The following GPHN variants were observed in gnomAD, a reference collection of about 807,000 sequenced individuals.
The protein encoded by GPHN is gephyrin.
Under a neutral mutation model 95.5 loss-of-function variants are expected in GPHN, and 17 were observed. The ratio of observed to expected loss-of-function variants is 0.18; its 90% CI spans 0.12 to 0.27. The LOEUF (loss-of-function observed/expected upper bound fraction) is 0.27. Ranked by LOEUF, GPHN falls within the 10% of genes least tolerant of loss-of-function variation. GPHN has a pLI of 1.00. For missense variants in GPHN, 660 were observed against 978.1 expected (o/e 0.67, Z 4.34); for synonymous variants, 320 against 322.5 (o/e 0.99, Z 0.08).
chr14:66,588,480 A>G (rs1342747600), intron 1 of GPHN, among the ~76,000 whole-genome samples: 2 of 152,144 alleles, frequency 1.3e-5, no homozygotes, highest in African/African-American at 2.4e-5. Context: ...GCAAGAAGCT[A>G]AGAACCTTGA....
At chr14:67,405,831 C>G in the GPHN span, among the ~76,000 whole-genome samples, 1,895 of 152,318 alleles carry the variant, frequency 0.012, 46 homozygotes, top group African/African-American at 0.041. Flanking sequence ...GAATTGGACC[C>G]TACAGCCAGT....
At chr14:67,354,345 T>C in the GPHN span, among the ~76,000 whole-genome samples, 191 of 152,364 alleles carry the variant, frequency 1.3e-3, 1 homozygote, top group Non-Finnish European at 3.1e-4. Flanking sequence ...TAAAATAATA[T>C]CTTTGTTTTA....
At chr14:67,033,600 C>A (rs2074289608) in intron 10 of GPHN, among the ~76,000 whole-genome samples, 1 of 148,152 alleles carries the variant, frequency 6.7e-6, no homozygotes, top group Non-Finnish European at 1.5e-5. Flanking sequence ...TTATAAAATG[C>A]CATTTTGTGG....
intron 1 of GPHN, among the ~76,000 whole-genome samples, chr14:66,528,658 G>T (rs141370580): frequency 6.6e-6 from 1 of 152,122 alleles, no homozygotes; most frequent in African/African-American, 2.4e-5. Context: ...GGCAGGCCTC[G>T]TGGTGACAGA....
At chr14:66,755,250 G>T (rs992443366) in intron 2 of GPHN, among the ~76,000 whole-genome samples, 1 of 152,036 alleles carries the variant, frequency 6.6e-6, no homozygotes, top group African/African-American at 2.4e-5. Context: ...GGAATTAAAT[G>T]TATTTATTAG....
intron 4 of GPHN, among the ~76,000 whole-genome samples, chr14:66,836,706 C>G (rs1406241176): frequency 7.4e-5 from 11 of 149,548 alleles, no homozygotes; most frequent in Non-Finnish European, 1.5e-4. Flanking sequence ...TGACAAAGCA[C>G]TAATATCCAG....
chr14:66,564,867 C>T (rs1453478231), intron 1 of GPHN, among the ~76,000 whole-genome samples: 1 of 152,068 alleles, frequency 6.6e-6, no homozygotes, highest in East Asian at 1.9e-4. Flanking sequence ...CATTAAGCCT[C>T]AATTTTAGGT....
At chr14:67,632,734 A>G in the GPHN span, among the ~76,000 whole-genome samples, 4 of 151,648 alleles carry the variant, frequency 2.6e-5, no homozygotes, top group East Asian at 7.7e-4. Context: ...TGAAAAGCAC[A>G]CAAATATTAT....
At position 66,777,032 on chromosome 14, in the gene GPHN, G is replaced by T. The variant is rs1044802386; in HGVS notation, c.201+511G>T. 2.0e-5 allele frequency among the ~76,000 whole-genome samples: 3 copies of T among 151,272 alleles called. No individual in the cohort carries two copies. In the South Asian group the frequency reaches 6.2e-4, roughly 31 times the overall value. On this transcript the variant is annotated intron_variant, in intron 3 of 22. Transcript: ENST00000478722. ...GGTATATCTCCCAATGCTATCCCGA[G>T]CTGGTTTTTTGAAAGGATCAACAAA... is the stretch of plus-strand genomic sequence containing the variant.
chr14:66,701,624 G>A (rs1277170533), intron 2 of GPHN, among the ~76,000 whole-genome samples: 1 of 152,180 alleles, frequency 6.6e-6, no homozygotes, highest in African/African-American at 2.4e-5. Context: ...CTAACCAGCT[G>A]GGGAAACTGC....
the GPHN span, among the ~76,000 whole-genome samples, chr14:67,251,441 G>C: frequency 4.6e-5 from 7 of 152,268 alleles, no homozygotes; most frequent in Admixed American, 2.6e-4. Flanking sequence ...GCTAAAGTGA[G>C]AGGATTTCTT....
At chr14:67,397,219 G>A in the GPHN span, among the ~76,000 whole-genome samples, 34 of 152,298 alleles carry the variant, frequency 2.2e-4, no homozygotes, top group Non-Finnish European at 4.4e-4. Flanking sequence ...GATTACAGGC[G>A]TGAGCCACCA....
chr14:66,902,801 G>T (rs1292535936), intron 5 of GPHN, among the ~76,000 whole-genome samples: 2 of 152,070 alleles, frequency 1.3e-5, no homozygotes, highest in African/African-American at 4.8e-5. Context: ...ATTCATTGGG[G>T]AGGGTGGCCT....
chr14:66,575,070 A>G (rs1190504659), intron 1 of GPHN, among the ~76,000 whole-genome samples: 1 of 152,150 alleles, frequency 6.6e-6, no homozygotes, highest in African/African-American at 2.4e-5. Context: ...TATACATCCT[A>G]TTGATTCTGT....
the GPHN span, chr14:67,724,959 G>A: frequency 3.1e-4 from 317 of 1,019,476 alleles, 1 homozygote; most frequent in African/African-American, 3.4e-3. Context: ...TGAAAAGCCC[G>A]AAGTGGCAAT....
At chr14:67,574,410 G>C in the GPHN span, 3 of 1,529,456 alleles carry the variant, frequency 2.0e-6, no homozygotes. This position sits in a 1 kb window ranked among gnomAD's most constrained non-coding sequence, Gnocchi z 4.2. Context: ...CAAGGTAGAG[G>C]GTGGGGCTGA....
At chr14:67,110,688 A>T (rs2078315185) in intron 14 of GPHN, among the ~76,000 whole-genome samples, 1 of 152,204 alleles carries the variant, frequency 6.6e-6, no homozygotes, top group African/African-American at 2.4e-5. Context: ...AGTTCATGAA[A>T]TCAGAATTTA....
Position 66,986,318 on chromosome 14 carries a change from CTG to C in GPHN, c.963+20995_963+20996del, listed in dbSNP as rs367798077. 3.1e-3 allele frequency among the ~76,000 whole-genome samples: 471 copies of C among 152,148 alleles called. 11 individuals are homozygous for C. Among genetic ancestry groups the C allele is most frequent in the African/African-American group, 0.011 (446 of 41,548 alleles). On this transcript the variant is annotated intron_variant, in intron 9 of 22. Coordinates refer to ENST00000478722, the MANE Select transcript of GPHN (RefSeq NM_020806.5). ...AGTAGTTATGCCCTCTTAATCCCCT[CTG>C]TTTTATTTTTTAAATTTCAAAAAAC...
At chr14:66,675,784 G>A (rs568302780) in intron 1 of GPHN, among the ~76,000 whole-genome samples, 83 of 152,174 alleles carry the variant, frequency 5.5e-4, no homozygotes, top group African/African-American at 1.9e-3. Context: ...GTTGATTTTT[G>A]TGGTGAGAAG....
Sources: gnomAD v4.1 joint callset for allele counts (sites outside exome capture counted in the v4.1 genomes callset) on GRCh38, gnomAD v4.1.1 for gene constraint, Gnocchi (gnomAD v3.1) non-coding constraint, MANE v1.5 for transcripts, NCBI Gene and HGNC (gene_info 2026-07-23, HGNC 2026-07-21) for gene names.